Variants in FCRL5 observed in about 807,000 individuals in gnomAD.
FCRL5 encodes Fc receptor like 5, also known as Fc receptor-like protein 5.
Under a neutral mutation model 92.1 loss-of-function variants are expected in FCRL5, and 79 were observed. That is an observed-to-expected ratio of 0.86 (90% CI 0.72 to 1.03). The LOEUF is 1.03. Among genes scored for constraint, FCRL5 ranks in the 50% least tolerant of loss-of-function variants. The pLI, the probability that FCRL5 is intolerant of heterozygous loss-of-function variation, is 0.00. For synonymous variants in FCRL5, 466 were observed against 469.3 expected (o/e 0.99, Z 0.09); for missense variants, 1,160 against 1,181.1 (o/e 0.98, Z 0.26).
intron 7 of FCRL5, among the ~76,000 whole-genome samples, chr1:157,536,300 T>C (rs1650968634): frequency 6.6e-6 from 1 of 152,162 alleles, no homozygotes; most frequent in Non-Finnish European, 1.5e-5. Context: ...ACTGGCTCAC[T>C]ATCATCTGCT....
At position 157,521,126 on chromosome 1, in the gene FCRL5, T is replaced by C; in HGVS notation, c.2406A>G (p.Gly802=). Residue 802 remains glycine, a synonymous_variant, in exon 11 of 17, where the codon GGA becomes GGG. Coordinates refer to ENST00000361835, the MANE Select transcript of FCRL5 (RefSeq NM_031281.3). ...CAGTCAGAGAGAGGTTTAAGGACGC[T>C]CCTCCAGAGGGGGACGACCTATTTC... The part of the protein sequence containing the change: ...TLGNRSSPSG[G]ASLNLSLTAE... The C allele has an allele frequency of 6.2e-7, 1 of 1,614,104 alleles. No individual in the cohort carries two copies.
intron 13 of FCRL5, among the ~76,000 whole-genome samples, chr1:157,519,316 A>G (rs1650073402): frequency 6.6e-6 from 1 of 152,002 alleles, no homozygotes; most frequent in African/African-American, 2.4e-5. Context: ...TGGCAGAGTG[A>G]CCTCTCTGGG....
intron 3 of FCRL5, among the ~76,000 whole-genome samples, chr1:157,546,484 C>CCAAAT (rs1651544343): frequency 6.6e-6 from 1 of 151,760 alleles, no homozygotes; most frequent in Non-Finnish European, 1.5e-5. Flanking sequence ...CCAAACCAAA[C>CCAAAT]CAAACCAAAC....
chr1:157,541,702 G>C (rs1340588510), intron 6 of FCRL5: 1 of 152,214 alleles, frequency 6.6e-6, no homozygotes, highest in East Asian at 1.9e-4. Flanking sequence ...TCTATCCTCA[G>C]GTTGATGTTT....
At chr1:157,520,321 G>T (rs1252194790) in intron 12 of FCRL5, 110 bp downstream of exon 12, 2 of 740,098 alleles carry the variant, frequency 2.7e-6, no homozygotes, top group Admixed American at 4.8e-5. Flanking sequence ...GAGGGACAGA[G>T]CGGATGAGCT....
chr1:157,527,940 GA>G, intron 8 of FCRL5, 45 bp from the exon 9 acceptor site: 1 of 1,501,798 alleles, frequency 6.7e-7, no homozygotes, highest in Non-Finnish European at 8.9e-7. Flanking sequence ...TTTAAAATTA[GA>G]AACAGCTCTT....
chr1:157,539,634 A>G (rs1651156360), intron 6 of FCRL5, among the ~76,000 whole-genome samples: 1 of 152,216 alleles, frequency 6.6e-6, no homozygotes, highest in African/African-American at 2.4e-5. Flanking sequence ...TCTGTTTTAA[A>G]TGGTTCTGTT....
intron 10 of FCRL5, chr1:157,522,361 T>C (rs999977908): frequency 1.5e-4 from 23 of 152,358 alleles, no homozygotes; most frequent in African/African-American, 5.0e-4. Flanking sequence ...AATGTCATCA[T>C]GTATCAGACT....
At chr1:157,519,461 T>C (rs1221998649) in intron 13 of FCRL5, among the ~76,000 whole-genome samples, 1 of 152,196 alleles carries the variant, frequency 6.6e-6, no homozygotes, top group African/African-American at 2.4e-5. Context: ...GTCATAGTGG[T>C]CATTCAGACA....
rs79667561 is a variant in FCRL5, at chr1:157,543,781, A to C, written c.844+481T>G. Among the ~76,000 whole-genome samples, 735 of 152,276 alleles carry C rather than the reference A, an allele frequency of 4.8e-3. 2 individuals are homozygous for C. Among genetic ancestry groups the C allele is most frequent in the African/African-American group, 0.017 (702 of 41,536 alleles). ...GATGTAATCTGGGGTGCATATTTGT[A>C]CTCATAACTAGGGAATGGTAAACCT... On this transcript the variant is annotated intron_variant, in intron 5 of 16. Coordinates refer to ENST00000361835, the MANE Select transcript of FCRL5 (RefSeq NM_031281.3).
intron 8 of FCRL5, chr1:157,533,843 A>C (rs1650811153): frequency 6.5e-6 from 1 of 154,092 alleles, no homozygotes; most frequent in African/African-American, 2.4e-5. Flanking sequence ...TTTTAAAAAT[A>C]ACCTCTTTAC....
At chr1:157,524,174 C>T in intron 10 of FCRL5, 105 bp downstream of exon 10, 1 of 1,264,128 alleles carries the variant, frequency 7.9e-7, no homozygotes, top group Non-Finnish European at 1.1e-6. Context: ...TGGGATGCCA[C>T]ACAAGCAAAC....
chr1:157,547,282 C>G lies in FCRL5; in HGVS notation c.53-85G>C, dbSNP rs1404605849. 5 of 1,558,866 alleles carry G rather than the reference C, an allele frequency of 3.2e-6. No individual in the cohort carries two copies. In the African/African-American group the frequency reaches 5.4e-5, roughly 17 times the overall value. ...CCTCCTGCTGCATAGCCTGAAGGAC[C>G]TGGGTTTGGAGGATCTGAAAGAGGT... On this transcript the variant is annotated intron_variant, in intron 2 of 16. Transcript: ENST00000361835.
In FCRL5 at chr1:157,518,413, C is replaced by A. The variant is rs1283048577; in HGVS notation, c.2812+16G>T. On this transcript the variant is annotated intron_variant, in intron 15 of 16. Coordinates refer to ENST00000361835, the MANE Select transcript of FCRL5 (RefSeq NM_031281.3). ...AGTTGAGGGTGGGCCAGAACAGAGA[C>A]ATCCTTGGGTCTTACCTGCATGTTT... The A allele has an allele frequency of 8.7e-6, 14 of 1,608,290 alleles. No individual in the cohort carries two copies. Among genetic ancestry groups the A allele is most frequent in the Non-Finnish European group, 1.2e-5 (14 of 1,174,760 alleles).
Position 157,542,474 on chromosome 1 carries a change from T to C in FCRL5, c.1123+385A>G, listed in dbSNP as rs11264760. On this transcript the variant is annotated intron_variant, in intron 6 of 16. Coordinates refer to ENST00000361835, the MANE Select transcript of FCRL5 (RefSeq NM_031281.3). ...CTTTGGTTTATTGATTAATGTCTGA[T>C]ATTAACAGAACAGGAGATACCTCTG... The C allele has an allele frequency of 7.4e-3, 1,323 of 178,632 alleles. 22 individuals carry two copies. Among genetic ancestry groups the C allele is most frequent in the African/African-American group, 0.028 (1,203 of 42,682 alleles). 11.1% of individuals were successfully genotyped at this position (178,632 alleles called of 1,614,324 possible).
Position 157,527,813 on chromosome 1 carries a change from C to T in FCRL5, c.1764G>A (p.Glu588=). 6.2e-7 allele frequency: 1 copy of T among 1,613,484 alleles called. No individual in the cohort carries two copies. The highest frequency in any genetic ancestry group is 8.5e-7 in the Non-Finnish European group (1 of 1,179,606). ...GGATTGGGGGAGAGCCTCTCGGGGC[C>T]TCACAGTGAAGCTCCAGCAGGTCCC... ...VVGDLLELHC[E]APRGSPPILY... Residue 588 remains glutamate, a synonymous_variant, in exon 9 of 17, where the codon GAG becomes GAA. Transcript: ENST00000361835.
chr1:157,544,467 G>A lies in FCRL5; in HGVS notation c.639C>T (p.Thr213=), dbSNP rs1184868150. 1.2e-6 allele frequency: 2 copies of A among 1,614,196 alleles called. No homozygotes were observed. Among genetic ancestry groups the A allele is most frequent in the African/African-American group, 1.3e-5 (1 of 75,052 alleles). Residue 213 remains threonine, a synonymous_variant, in exon 5 of 17, where the codon ACC becomes ACT. Coordinates refer to ENST00000361835, the MANE Select transcript of FCRL5 (RefSeq NM_031281.3). ...SGNPVTLTCE[T]QLSLERSDVP... is the part of the protein sequence containing the mutation. ...CATCTGACCTCTCTAGAGAGAGCTG[G>A]GTCTCACAGGTCAGGGTCACTGGGT...
chr1:157,526,046 TAAGAG>T (rs1454281784), intron 9 of FCRL5, among the ~76,000 whole-genome samples: 1 of 152,138 alleles, frequency 6.6e-6, no homozygotes, highest in Non-Finnish European at 1.5e-5. Context: ...AGGATTTAGA[TAAGAG>T]AAGAGGGCAT....
At chr1:157,520,901 A>C (rs2101596957) in intron 11 of FCRL5, 116 bp downstream of exon 11, 1 of 1,206,282 alleles carries the variant, frequency 8.3e-7, no homozygotes, top group East Asian at 2.4e-5. Context: ...GAGAGCTGCC[A>C]GCTGTGTTAC....
Sources: gnomAD v4.1 joint callset for allele counts (sites outside exome capture counted in the v4.1 genomes callset) on GRCh38, gnomAD v4.1.1 for gene constraint, MANE v1.5 for transcripts, NCBI Gene and HGNC (gene_info 2026-07-23, HGNC 2026-07-21) for gene names.